The following CDH12 variants were observed in gnomAD, a reference collection of about 807,000 sequenced individuals.
CDH12 encodes the protein cadherin-12.
In CDH12, 41 loss-of-function variants were observed where a neutral mutation model predicts 74.1. That is an observed-to-expected ratio of 0.55 (90% CI 0.43 to 0.72). The LOEUF (loss-of-function observed/expected upper bound fraction) is 0.72. Ranked by LOEUF, CDH12 falls within the 30% of genes least tolerant of loss-of-function variation. The pLI is 0.00. For synonymous variants in CDH12, 399 were observed against 355.0 expected (o/e 1.12, Z -1.39); for missense variants, 945 against 977.2 (o/e 0.97, Z 0.44).
rs1166898656 is a variant in CDH12, at chr5:21,949,342, C to T, written c.526+25749G>A. ...GGGGGCGCCTATATTCCCAGCTATT[C>T]GGGAGGCTGAGGCAGGAGAATGGCG... is the stretch of plus-strand genomic sequence containing the variant. On this transcript the variant is annotated intron_variant, in intron 6 of 14. Transcript: ENST00000382254. Among the ~76,000 whole-genome samples, 11 of 150,370 alleles carry T rather than the reference C, an allele frequency of 7.3e-5. No individual in the cohort carries two copies. In the East Asian group the frequency reaches 1.2e-3, roughly 16 times the overall value.
chr5:22,468,377 A>G (rs1449512572), intron 2 of CDH12, among the ~76,000 whole-genome samples: 2 of 152,204 alleles, frequency 1.3e-5, no homozygotes, highest in African/African-American at 4.8e-5. Context: ...TATATATTCA[A>G]TAATGTGGCT....
chr5:22,387,557 G>C (rs1165812420), intron 3 of CDH12, among the ~76,000 whole-genome samples: 1 of 152,136 alleles, frequency 6.6e-6, no homozygotes, highest in Admixed American at 6.5e-5. Flanking sequence ...ATTGGCTGCT[G>C]TCTACATACA....
rs746291385 is a variant in CDH12 at position 21,991,034 on chromosome 5, GTT to G, written c.232-15651_232-15650del. Among the ~76,000 whole-genome samples the G allele has an allele frequency of 5.2e-4, 78 of 151,446 alleles. 1 individual carries two copies. The highest frequency in any genetic ancestry group is 1.6e-3 in the Admixed American group (24 of 15,200). On this transcript the variant is annotated intron_variant, in intron 5 of 14. Coordinates refer to ENST00000382254, the MANE Select transcript of CDH12 (RefSeq NM_004061.5). ...TTAGCAATAGATATAAACTACCCAA[GTT>G]TTCGTTTTGTGACATCAATTTGAGC...
chr5:22,051,120 G>A (rs1323512309), intron 5 of CDH12, among the ~76,000 whole-genome samples: 1 of 152,080 alleles, frequency 6.6e-6, no homozygotes, highest in Non-Finnish European at 1.5e-5. Context: ...AGAAAGTAGA[G>A]TGATAATAAA....
intron 4 of CDH12, among the ~76,000 whole-genome samples, chr5:22,113,172 G>A (rs1744909408): frequency 1.3e-5 from 2 of 152,056 alleles, no homozygotes; most frequent in South Asian, 4.1e-4. Context: ...TACGAGACAA[G>A]GAAGAAAATG....
At chr5:21,753,614 G>T (rs570764433) in intron 14 of CDH12, among the ~76,000 whole-genome samples, 1 of 151,862 alleles carries the variant, frequency 6.6e-6, no homozygotes, top group Non-Finnish European at 1.5e-5. Context: ...GGGACCTAAA[G>T]GAGTGTGAGA....
chr5:22,179,973 G>A (rs186042880), intron 4 of CDH12, among the ~76,000 whole-genome samples: 93 of 152,276 alleles, frequency 6.1e-4, no homozygotes, highest in Middle Eastern at 6.8e-3. Flanking sequence ...GAGTACTTGT[G>A]GTTGTTGTGT....
intron 4 of CDH12, among the ~76,000 whole-genome samples, chr5:22,095,334 G>A (rs1743688944): frequency 6.6e-6 from 1 of 151,990 alleles, no homozygotes; most frequent in Non-Finnish European, 1.5e-5. Context: ...ATTTTCTGGT[G>A]GAGACAAAGG....
At chr5:22,160,008 A>T (rs1748239723) in intron 4 of CDH12, among the ~76,000 whole-genome samples, 1 of 152,188 alleles carries the variant, frequency 6.6e-6, no homozygotes, top group African/African-American at 2.4e-5. Flanking sequence ...CGGAGTAAAA[A>T]TAAAATATGT....
chr5:22,170,936 T>C (rs1247010083), intron 4 of CDH12, among the ~76,000 whole-genome samples: 1 of 151,920 alleles, frequency 6.6e-6, no homozygotes, highest in African/African-American at 2.4e-5. Flanking sequence ...TTTCAAGTTG[T>C]TAGAATTCGT....
intron 4 of CDH12, among the ~76,000 whole-genome samples, chr5:22,092,990 T>C (rs2150240170): frequency 6.6e-6 from 1 of 152,214 alleles, no homozygotes. Flanking sequence ...GTGGGTGGTG[T>C]TTGCACAGCC....
chr5:22,459,737 C>T (rs188513998), intron 2 of CDH12, among the ~76,000 whole-genome samples: 3 of 152,022 alleles, frequency 2.0e-5, no homozygotes, highest in Admixed American at 6.6e-5. Context: ...CACTTTGAGG[C>T]GGGTGGATCA....
chr5:22,840,223 T>G lies in CDH12; in HGVS notation c.-523+12835A>C, dbSNP rs560482576. ...GCAACCTCTGCCTCCTGGGTTCAAG[T>G]GATTCTCCTGCCTCAGTCTCTGGAA... On this transcript the variant is annotated intron_variant, in intron 1 of 14. Coordinates refer to ENST00000382254, the MANE Select transcript of CDH12 (RefSeq NM_004061.5). 1.5e-4 allele frequency among the ~76,000 whole-genome samples: 23 copies of G among 152,202 alleles called. 1 individual carries two copies. Among genetic ancestry groups the G allele is most frequent in the East Asian group, 5.8e-4 (3 of 5,174 alleles).
chr5:22,237,927 T>C (rs763534333), intron 3 of CDH12, among the ~76,000 whole-genome samples: 58 of 152,350 alleles, frequency 3.8e-4, no homozygotes, highest in Admixed American at 3.1e-3. Context: ...CTTGTATTTG[T>C]AGTGTAGACA....
chr5:21,751,651 T>TGAGA lies in CDH12; in HGVS notation c.*82_*85dup. 2 of 959,096 alleles carry TGAGA rather than the reference T, an allele frequency of 2.1e-6. No homozygotes were observed. Among genetic ancestry groups the TGAGA allele is most frequent in the Admixed American group, 2.3e-5 (1 of 43,384 alleles). 59.4% of individuals were successfully genotyped at this position (959,096 alleles called of 1,614,324 possible). A position where few individuals can be genotyped will look rare whatever the true frequency, so the allele number is the denominator to read the frequency against. On this transcript the variant is annotated 3_prime_UTR_variant, in exon 15 of 15. Transcript: ENST00000382254. ...GTGTGTTTGTGTGTGTGTGTGTGTG[T>TGAGA]GAGAGAGATTTCTATTAATATTTGT...
intron 4 of CDH12, among the ~76,000 whole-genome samples, chr5:22,094,421 C>G (rs1743622172): frequency 6.6e-6 from 1 of 150,964 alleles, no homozygotes; most frequent in African/African-American, 2.5e-5. Context: ...CACCAGAATT[C>G]CAGAGGGACT....
chr5:22,677,839 G>T (rs1561571168), intron 1 of CDH12, among the ~76,000 whole-genome samples: 1 of 152,026 alleles, frequency 6.6e-6, no homozygotes. Context: ...TTCACACTCT[G>T]GGAAGTCTGA....
At chr5:21,777,405 A>C (rs981664413) in intron 11 of CDH12, among the ~76,000 whole-genome samples, 27 of 152,204 alleles carry the variant, frequency 1.8e-4, no homozygotes, top group Non-Finnish European at 3.7e-4. Flanking sequence ...ATATAGATAG[A>C]TAATAAATAC....
At position 22,000,579 on chromosome 5, in the gene CDH12, C is replaced by A. The variant is rs1246936626; in HGVS notation, c.232-25194G>T. ...AATCAGTCCATCACCATGACTGTTTCCAGGTGTAAAATGACATAATTACTC... is the reference window on the plus strand; with the variant it reads ...AATCAGTCCATCACCATGACTGTTTACAGGTGTAAAATGACATAATTACTC... On this transcript the variant is annotated intron_variant, in intron 5 of 14. Coordinates refer to ENST00000382254, the MANE Select transcript of CDH12 (RefSeq NM_004061.5). Among the ~76,000 whole-genome samples the A allele has an allele frequency of 4.6e-5, 7 of 152,178 alleles. No individual in the cohort carries two copies. In the East Asian group the frequency reaches 9.7e-4, roughly 21 times the overall value.
Sources: allele counts gnomAD v4.1 joint callset (sites outside exome capture counted in the v4.1 genomes callset), GRCh38; gene constraint gnomAD v4.1.1; transcripts MANE v1.5; gene names NCBI Gene and HGNC (gene_info 2026-07-23, HGNC 2026-07-21).